The following NBEA variants were observed in gnomAD, a reference collection of about 807,000 sequenced individuals.
NBEA encodes lysosomal-trafficking regulator 2.
A neutral mutation model predicts 343.4 loss-of-function variants in NBEA; 44 were observed. The observed-to-expected ratio is 0.13, with a 90% CI of 0.10 to 0.16. The LOEUF (loss-of-function observed/expected upper bound fraction) is 0.16. NBEA is among the 10% of genes least tolerant of loss of function. The probability of loss-of-function intolerance (pLI) is 1.00; values close to 1 mark genes in which losing one functional copy is unlikely to be tolerated. For synonymous variants in NBEA, 1,175 were observed against 1,238.7 expected, an observed-to-expected ratio of 0.95 and a Z score of 1.08; for missense variants, 2,555 against 3,631.3, an observed-to-expected ratio of 0.70 and a Z score of 7.62.
At chr13:35,277,955 C>T (rs929046013) in intron 34 of NBEA, among the ~76,000 whole-genome samples, 4 of 151,542 alleles carry the variant, frequency 2.6e-5, no homozygotes, top group Admixed American at 2.0e-4. Context: ...AGTGTGGTGG[C>T]ACATGCCTAT....
chr13:35,220,949 A>T lies in NBEA; in HGVS notation c.5648+9770A>T, dbSNP rs1411382946. 2.0e-5 allele frequency among the ~76,000 whole-genome samples: 3 copies of T among 152,060 alleles called. No homozygotes were observed. In the East Asian group the frequency reaches 5.8e-4, roughly 29 times the overall value. On this transcript the variant is annotated intron_variant, in intron 33 of 58. Transcript: ENST00000379939. Reference sequence around the variant, plus strand: ...GATTTTGAGTATTTTCTTTTAACCTATAGTCTACTTTACTAATTATCTCTT... The same window carrying T: ...GATTTTGAGTATTTTCTTTTAACCTTTAGTCTACTTTACTAATTATCTCTT...
chr13:35,242,414 A>G (rs957120967), intron 34 of NBEA, among the ~76,000 whole-genome samples: 3 of 151,886 alleles, frequency 2.0e-5, no homozygotes, highest in African/African-American at 7.2e-5. Flanking sequence ...CTAAAGGACC[A>G]CATCTTCAGA....
chr13:35,122,582 AG>A (rs1459353299), intron 16 of NBEA, among the ~76,000 whole-genome samples: 1 of 81,256 alleles, frequency 1.2e-5, no homozygotes, highest in East Asian at 4.0e-4. Flanking sequence ...GGGTCGGGGG[AG>A]GGGGGAGGGA....
chr13:35,477,313 T>G (rs7997740), intron 41 of NBEA: 1 of 159,040 alleles, frequency 6.3e-6, no homozygotes, highest in Non-Finnish European at 1.5e-5. Flanking sequence ...TCTCCATTTG[T>G]TGAATCTGAA....
chr13:35,384,711 A>G (rs1033992444), intron 38 of NBEA, among the ~76,000 whole-genome samples: 1 of 151,916 alleles, frequency 6.6e-6, no homozygotes, highest in East Asian at 1.9e-4. Context: ...TTTGTTGTAG[A>G]GACGGGGTTT....
At chr13:35,652,040 A>G (rs2084549284) in intron 53 of NBEA, among the ~76,000 whole-genome samples, 164 bp downstream of exon 53, 1 of 152,186 alleles carries the variant, frequency 6.6e-6, no homozygotes, top group Non-Finnish European at 1.5e-5. Context: ...TATGCCATCT[A>G]AGAACTTTTT....
At chr13:35,277,116 A>G (rs955651957) in intron 34 of NBEA, among the ~76,000 whole-genome samples, 2 of 152,170 alleles carry the variant, frequency 1.3e-5, no homozygotes, top group Non-Finnish European at 2.9e-5. Context: ...AGTTATGGAC[A>G]AGATTCAACA....
chr13:35,032,559 A>G (rs2062272814), intron 1 of NBEA, among the ~76,000 whole-genome samples: 1 of 151,716 alleles, frequency 6.6e-6, no homozygotes, highest in Admixed American at 6.6e-5. Context: ...TGTCAGATGC[A>G]TAGTTTGAAA....
chr13:35,061,302 C>T (rs539778033), intron 8 of NBEA, among the ~76,000 whole-genome samples: 46 of 151,618 alleles, frequency 3.0e-4, no homozygotes, highest in African/African-American at 1.0e-3. Context: ...CTAAATCATT[C>T]AGTTTGGAAA....
At chr13:35,287,102 C>T (rs987783528) in intron 34 of NBEA, among the ~76,000 whole-genome samples, 5 of 151,976 alleles carry the variant, frequency 3.3e-5, no homozygotes, top group Admixed American at 2.6e-4. Flanking sequence ...AATATACAAG[C>T]CTCCTTCCTC....
intron 1 of NBEA, among the ~76,000 whole-genome samples, chr13:35,029,069 C>G (rs993824925): frequency 1.3e-5 from 2 of 151,398 alleles, no homozygotes; most frequent in Non-Finnish European, 3.0e-5. Flanking sequence ...TCTGCTTATT[C>G]ATATTCCTTT....
intron 25 of NBEA, among the ~76,000 whole-genome samples, chr13:35,169,555 C>G (rs1340370883): frequency 6.6e-6 from 1 of 151,296 alleles, no homozygotes; most frequent in Admixed American, 6.6e-5. Flanking sequence ...TTTGACAGGT[C>G]AAAACACTCA....
intron 33 of NBEA, among the ~76,000 whole-genome samples, chr13:35,226,426 G>A (rs1157683561): frequency 6.6e-6 from 1 of 152,062 alleles, no homozygotes; most frequent in Non-Finnish European, 1.5e-5. Flanking sequence ...TTGGATCTTG[G>A]TGAGACACCA....
At chr13:35,601,872 G>A (rs2082072175) in intron 47 of NBEA, among the ~76,000 whole-genome samples, 1 of 151,764 alleles carries the variant, frequency 6.6e-6, no homozygotes, top group Non-Finnish European at 1.5e-5. Context: ...AAGTATCTGG[G>A]TTTGATTTTT....
At chr13:35,525,403 A>G (rs1166386940) in intron 41 of NBEA, among the ~76,000 whole-genome samples, 1 of 152,134 alleles carries the variant, frequency 6.6e-6, no homozygotes, top group Non-Finnish European at 1.5e-5. Flanking sequence ...AATACAAAAA[A>G]TTAGCCAGTC....
In NBEA at chr13:35,109,375, C is replaced by G. The variant is rs2066072524; in HGVS notation, c.1766C>G (p.Pro589Arg). The change falls in exon 12 of 59, where the codon CCT becomes CGT. Residue 589 changes from proline to arginine, a missense_variant. Physicochemically the swap from Pro to Arg is moderately radical, Grantham distance 103 (BLOSUM62 -2). This residue lies in a region of NBEA where 360 missense variants were observed against 519.1 expected (regional missense o/e 0.69). Transcript: ENST00000379939. Reference sequence around the variant, plus strand: ...CTTGATGGTTTATCTCATGGAGCACCTTTGCTGAAGCAGCTTTGTGATCAC... The same window carrying G: ...CTTGATGGTTTATCTCATGGAGCACGTTTGCTGAAGCAGCTTTGTGATCAC... ...KYLDGLSHGA[P>R]LLKQLCDHIL... 1 of 1,612,382 alleles carries G rather than the reference C, an allele frequency of 6.2e-7. No individual in the cohort carries two copies. The highest frequency in any genetic ancestry group is 1.7e-5 in the Admixed American group (1 of 59,806).
intron 41 of NBEA, among the ~76,000 whole-genome samples, chr13:35,501,238 A>G (rs2076875706): frequency 6.6e-6 from 1 of 152,078 alleles, no homozygotes; most frequent in Admixed American, 6.5e-5. Flanking sequence ...ATTTGATGTG[A>G]CTTCTGTACA....
chr13:35,273,319 C>T (rs187598891), intron 34 of NBEA, among the ~76,000 whole-genome samples: 1 of 152,102 alleles, frequency 6.6e-6, no homozygotes, highest in Non-Finnish European at 1.5e-5. Flanking sequence ...AACAAAGACT[C>T]AATGTACTAG....
At chr13:35,416,751 T>C (rs939914066) in intron 38 of NBEA, among the ~76,000 whole-genome samples, 6 of 152,202 alleles carry the variant, frequency 3.9e-5, no homozygotes. Flanking sequence ...GTTGGCCTCA[T>C]AAAATGAATT....
Sources: allele counts gnomAD v4.1 joint callset (sites outside exome capture counted in the v4.1 genomes callset), GRCh38; gene constraint gnomAD v4.1.1; regional missense constraint gnomAD v4.1.1; transcripts MANE v1.5; gene names NCBI Gene and HGNC (gene_info 2026-07-23, HGNC 2026-07-21).